SRBD1: variants seen among roughly 807,000 people sequenced by gnomAD.
SRBD1 encodes the protein S1 RNA binding domain 1, also known as S1 RNA-binding domain-containing protein 1.
A neutral mutation model predicts 115.3 loss-of-function variants in SRBD1; 88 were observed. The observed-to-expected ratio is 0.76, with a 90% CI of 0.64 to 0.91. SRBD1 has a LOEUF of 0.91. SRBD1 is among the 40% of genes least tolerant of loss of function. The pLI, the probability that SRBD1 is intolerant of heterozygous loss-of-function variation, is 0.00. For synonymous variants in SRBD1, 509 were observed against 407.7 expected, an observed-to-expected ratio of 1.25 and a Z score of -2.99; for missense variants, 1,385 against 1,177.4, an observed-to-expected ratio of 1.18 and a Z score of -2.58.
At chr2:45,403,542 T>C (rs1269595581) in intron 19 of SRBD1, among the ~76,000 whole-genome samples, 3 of 152,192 alleles carry the variant, frequency 2.0e-5, no homozygotes, top group East Asian at 1.9e-4. Flanking sequence ...TTATGATCCA[T>C]GTCCTATTGG....
At chr2:45,533,420 C>G (rs560292901) in intron 14 of SRBD1, among the ~76,000 whole-genome samples, 27 of 152,090 alleles carry the variant, frequency 1.8e-4, no homozygotes, top group African/African-American at 6.5e-4. Context: ...ACCAAGAACA[C>G]CATTAATAAG....
At chr2:45,556,919 T>C (rs568876802) in intron 10 of SRBD1, among the ~76,000 whole-genome samples, 1 of 152,110 alleles carries the variant, frequency 6.6e-6, no homozygotes, top group East Asian at 1.9e-4. Context: ...TGTAAGTTTT[T>C]GCTGCTGCTG....
intron 19 of SRBD1, among the ~76,000 whole-genome samples, chr2:45,411,010 G>A (rs1422142238): frequency 1.3e-5 from 2 of 152,056 alleles, no homozygotes; most frequent in Non-Finnish European, 2.9e-5. Flanking sequence ...CCTGAGTTCT[G>A]CAAACTGGCA....
chr2:45,580,531 T>G lies in SRBD1; in HGVS notation c.934-518A>C, dbSNP rs1397163859. Among the ~76,000 whole-genome samples the G allele has an allele frequency of 1.3e-4, 20 of 149,458 alleles. 1 individual carries two copies. The highest frequency in any genetic ancestry group is 3.0e-5 in the Non-Finnish European group (2 of 67,164). The stretch of plus-strand genomic sequence containing the variant: ...CAGCTATTTTTTTTTTTTTTTTTTT[T>G]TGCATTTTTAGTAGAGACAGGGTTT... On this transcript the variant is annotated intron_variant, in intron 6 of 20. Coordinates refer to ENST00000263736, the MANE Select transcript of SRBD1 (RefSeq NM_018079.5).
chr2:45,570,156 A>G (rs1672963211), intron 9 of SRBD1, among the ~76,000 whole-genome samples: 1 of 152,228 alleles, frequency 6.6e-6, no homozygotes, highest in Admixed American at 6.5e-5. Context: ...AAAACCTTAA[A>G]TATTTGTTCA....
intron 11 of SRBD1, among the ~76,000 whole-genome samples, chr2:45,552,934 TAC>T (rs990027510): frequency 2.0e-5 from 3 of 152,144 alleles, no homozygotes; most frequent in Admixed American, 6.5e-5. Context: ...GCTACAAAAC[TAC>T]AGTTTTCAAG....
intron 16 of SRBD1, among the ~76,000 whole-genome samples, chr2:45,434,800 T>C (rs896568176): frequency 1.3e-5 from 2 of 152,036 alleles, no homozygotes; most frequent in Non-Finnish European, 2.9e-5. Flanking sequence ...CTTTAAGTTC[T>C]TGGGCACATG....
intron 20 of SRBD1, among the ~76,000 whole-genome samples, chr2:45,390,060 C>T (rs146160832): frequency 1.3e-5 from 2 of 152,208 alleles, no homozygotes; most frequent in East Asian, 3.9e-4. Context: ...CAACTTTTGG[C>T]CAAATGTGGA....
chr2:45,400,356 GAGA>G (rs914188613), intron 19 of SRBD1, among the ~76,000 whole-genome samples: 4 of 152,026 alleles, frequency 2.6e-5, no homozygotes, highest in African/African-American at 4.8e-5. Flanking sequence ...AGAAAAAAAG[GAGA>G]AGGACAGGCA....
rs1255192211 is a variant in SRBD1, at chr2:45,389,470, G to A, written c.2828C>T (p.Ser943Phe). ...TACATTTCGTATGGGAATCAGCCCA[G>A]ATTTCCCCACTCCTATATCCACAAA... is the stretch of plus-strand genomic sequence containing the variant. ...GIFVDIGVGK[S>F]GLIPIRNVTE... is the part of the protein sequence containing the mutation. Residue 943 changes from serine (S) to phenylalanine (F), a missense_variant, in exon 21 of 21, where the codon TCT (serine) becomes TTT (phenylalanine). Ser to Phe is a radical substitution (Grantham distance 155, BLOSUM62 -2). Coordinates refer to ENST00000263736, the MANE Select transcript of SRBD1 (RefSeq NM_018079.5). The A allele has an allele frequency of 1.1e-5, 18 of 1,613,950 alleles. No homozygotes were observed. Among genetic ancestry groups the A allele is most frequent in the Middle Eastern group, 1.6e-4 (1 of 6,084 alleles).
intron 16 of SRBD1, among the ~76,000 whole-genome samples, chr2:45,443,110 C>A (rs1246784691): frequency 6.6e-6 from 1 of 152,020 alleles, no homozygotes; most frequent in Admixed American, 6.6e-5. Flanking sequence ...CCAGAGACAA[C>A]GGGAACAGAG....
chr2:45,559,137 A>G (rs1298887519), intron 10 of SRBD1, among the ~76,000 whole-genome samples: 1 of 152,144 alleles, frequency 6.6e-6, no homozygotes, highest in Non-Finnish European at 1.5e-5. Flanking sequence ...CTACCACCCT[A>G]GTCTAAGCTA....
chr2:45,446,851 C>A (rs1356417149), intron 16 of SRBD1, among the ~76,000 whole-genome samples: 2 of 152,082 alleles, frequency 1.3e-5, no homozygotes, highest in Non-Finnish European at 2.9e-5. Context: ...GCAAAGAAAT[C>A]ATTAAGGAAA....
chr2:45,516,525 A>C (rs1253309432), intron 14 of SRBD1, among the ~76,000 whole-genome samples: 1 of 152,204 alleles, frequency 6.6e-6, no homozygotes, highest in Non-Finnish European at 1.5e-5. Flanking sequence ...CACACAACAG[A>C]TATATCTGGA....
At chr2:45,577,558 A>G (rs1157690949) in intron 7 of SRBD1, among the ~76,000 whole-genome samples, 2 of 152,098 alleles carry the variant, frequency 1.3e-5, no homozygotes, top group Non-Finnish European at 2.9e-5. Flanking sequence ...AGTATTTTGG[A>G]TCTCCCAGGA....
At position 45,418,673 on chromosome 2, in the gene SRBD1, G is replaced by A. The variant is rs116601331; in HGVS notation, c.2157-132C>T. The stretch of plus-strand genomic sequence containing the variant: ...CTAAGTTAAGTTAATCCAAAAGGGA[G>A]TTTAAAAAAAAAAACAAAAAAAAAA... On this transcript the variant is annotated intron_variant, in intron 17 of 20. Transcript: ENST00000263736. The A allele has an allele frequency of 3.6e-3, 1,259 of 347,646 alleles. 20 individuals carry two copies. In the African/African-American group the frequency reaches 0.052, roughly 14 times the overall value. 21.5% of individuals were successfully genotyped at this position (347,646 alleles called of 1,614,324 possible). A position where few individuals can be genotyped will look rare whatever the true frequency, so the allele number is the denominator to read the frequency against.
At chr2:45,443,881 C>T (rs1017268557) in intron 16 of SRBD1, among the ~76,000 whole-genome samples, 1 of 150,830 alleles carries the variant, frequency 6.6e-6, no homozygotes, top group Non-Finnish European at 1.5e-5. Flanking sequence ...TTTTCTTACG[C>T]ATATCTAGTA....
chr2:45,397,403 T>C (rs931842180), intron 19 of SRBD1, among the ~76,000 whole-genome samples: 8 of 152,208 alleles, frequency 5.3e-5, no homozygotes, highest in Admixed American at 3.9e-4. Context: ...AAATTGAATA[T>C]AAATTCAAGT....
At chr2:45,496,936 T>C (rs575886183) in intron 14 of SRBD1, among the ~76,000 whole-genome samples, 6 of 152,292 alleles carry the variant, frequency 3.9e-5, no homozygotes, top group Admixed American at 3.9e-4. Flanking sequence ...TGAAAACACA[T>C]GCTATGTACA....
Sources: gnomAD v4.1 joint callset for allele counts (sites outside exome capture counted in the v4.1 genomes callset) on GRCh38, gnomAD v4.1.1 for gene constraint, MANE v1.5 for transcripts, NCBI Gene and HGNC (gene_info 2026-07-23, HGNC 2026-07-21) for gene names.